TRAF3: variants seen among roughly 807,000 people sequenced by gnomAD.
TRAF3 encodes the protein TNF receptor associated factor 3.
In TRAF3, 13 loss-of-function variants were observed where a neutral mutation model predicts 62.3. That is an observed-to-expected ratio of 0.21 (90% CI 0.14 to 0.33). TRAF3 has a LOEUF of 0.33. TRAF3 is among the 10% of genes least tolerant of loss of function. The pLI, the probability that TRAF3 is intolerant of heterozygous loss-of-function variation, is 1.00. For missense variants in TRAF3, 440 were observed against 741.8 expected (o/e 0.59, Z 4.73); for synonymous variants, 269 against 283.4 (o/e 0.95, Z 0.51).
intron 11 of TRAF3, among the ~76,000 whole-genome samples, chr14:102,904,531 C>T (rs951440291): frequency 1.3e-5 from 2 of 152,088 alleles, no homozygotes; most frequent in African/African-American, 4.8e-5. Context: ...AAAAATGAGG[C>T]CGGGTGCAGT....
At chr14:102,854,471 C>T (rs933494018) in intron 2 of TRAF3, among the ~76,000 whole-genome samples, 1 of 152,140 alleles carries the variant, frequency 6.6e-6, no homozygotes, top group African/African-American at 2.4e-5. Flanking sequence ...AAATTTTAGC[C>T]ATCCAAGTGA....
chr14:102,781,089 A>T (rs1897257025), intron 1 of TRAF3, among the ~76,000 whole-genome samples: 1 of 152,222 alleles, frequency 6.6e-6, no homozygotes, highest in Admixed American at 6.5e-5. Flanking sequence ...CATAAGGGAA[A>T]GAGAAAGTCT....
intron 3 of TRAF3, 31 bp downstream of exon 3, chr14:102,870,477 C>G: frequency 6.2e-7 from 1 of 1,610,142 alleles, no homozygotes; most frequent in Non-Finnish European, 8.5e-7. Flanking sequence ...CGTCGCCCGG[C>G]CCCTTCTCAG....
rs1890783352 is a variant in TRAF3, at chr14:102,910,030, C to A, written c.*4246C>A. On this transcript the variant is annotated 3_prime_UTR_variant, in exon 12 of 12. Coordinates refer to ENST00000392745, the MANE Select transcript of TRAF3 (RefSeq NM_145725.3). ...ACTGATCCCAACAGCTGGGCTGACA[C>A]CTCCTTTCTCCCCTGCACGGGGAGG... is the stretch of plus-strand genomic sequence containing the variant. The A allele has an allele frequency of 1.3e-5, 2 of 152,222 alleles. No homozygotes were observed. Among genetic ancestry groups the A allele is most frequent in the Admixed American group, 1.3e-4 (2 of 15,282 alleles). The allele number at this position is 152,222 out of a possible 1,614,324, so 9.4% of individuals were successfully genotyped here.
At chr14:102,849,347 C>G (rs947070779) in intron 2 of TRAF3, among the ~76,000 whole-genome samples, 3 of 152,310 alleles carry the variant, frequency 2.0e-5, no homozygotes, top group East Asian at 1.9e-4. Flanking sequence ...GGTTGCATAT[C>G]GAGTGGACTG....
At position 102,887,599 on chromosome 14, in the gene TRAF3, C is replaced by CT. The variant is rs931159273; in HGVS notation, c.651+1343dup. Reference sequence around the variant, plus strand: ...AGAGTCTGTGCTGTTGAAATAATTTCTTTTTTTTTTTTTGAGACGGAGTCT... The same window carrying CT: ...AGAGTCTGTGCTGTTGAAATAATTTCTTTTTTTTTTTTTTGAGACGGAGTCT... On this transcript the variant is annotated intron_variant, in intron 7 of 11. Transcript: ENST00000392745. 8.0e-3 allele frequency among the ~76,000 whole-genome samples: 1,173 copies of CT among 146,386 alleles called. 14 individuals are homozygous for CT. Among genetic ancestry groups the CT allele is most frequent in the African/African-American group, 0.024 (964 of 40,286 alleles).
chr14:102,865,624 C>G (rs1273857828), intron 2 of TRAF3, among the ~76,000 whole-genome samples: 22 of 152,100 alleles, frequency 1.4e-4, no homozygotes, highest in Non-Finnish European at 8.8e-5. Context: ...CTCAGCCTCC[C>G]AAGTAGCTGG....
chr14:102,871,690 CTG>C (rs929105120), intron 3 of TRAF3, among the ~76,000 whole-genome samples: 1 of 152,258 alleles, frequency 6.6e-6, no homozygotes, highest in Non-Finnish European at 1.5e-5. Flanking sequence ...CTGAACTAAA[CTG>C]TTCTACTTGG....
chr14:102,881,112 G>A (rs956988290), intron 6 of TRAF3, among the ~76,000 whole-genome samples: 1 of 152,016 alleles, frequency 6.6e-6, no homozygotes, highest in Non-Finnish European at 1.5e-5. Context: ...GCCGGTCACG[G>A]TGACTCACAC....
chr14:102,851,423 C>T (rs746686365), intron 2 of TRAF3, among the ~76,000 whole-genome samples: 2 of 152,144 alleles, frequency 1.3e-5, no homozygotes, highest in East Asian at 1.9e-4. Flanking sequence ...TCAGTGTGAA[C>T]GGACCAGATA....
intron 4 of TRAF3, among the ~76,000 whole-genome samples, chr14:102,874,242 G>T (rs1054513312): frequency 5.9e-5 from 9 of 152,188 alleles, no homozygotes; most frequent in Admixed American, 1.3e-4. Context: ...CTCCAGCCTG[G>T]GTGACAGAGT....
At chr14:102,872,687 TTTC>T (rs761158650) in intron 4 of TRAF3, among the ~76,000 whole-genome samples, 2 of 131,688 alleles carry the variant, frequency 1.5e-5, no homozygotes, top group African/African-American at 3.8e-5. Flanking sequence ...CTCTCCTTTC[TTTC>T]TTCTTTTTCT....
At chr14:102,892,761 T>C (rs1889793919) in intron 9 of TRAF3, among the ~76,000 whole-genome samples, 1 of 152,232 alleles carries the variant, frequency 6.6e-6, no homozygotes, top group African/African-American at 2.4e-5. Flanking sequence ...AAGATTTCCC[T>C]TTAATCTGCC....
chr14:102,811,913 C>CTTTTTTTTTT (rs71119743), intron 1 of TRAF3, among the ~76,000 whole-genome samples: 1,362 of 47,086 alleles, frequency 0.029, 417 homozygotes, highest in East Asian at 0.044. Context: ...ATGCCTGGCC[C>CTTTTTTTTTT]TTTTTTTTTT....
At chr14:102,820,604 ATATATATATATTTTTTTTTTTTTTTTT>A (rs1320122609) in intron 1 of TRAF3, among the ~76,000 whole-genome samples, 1 of 13,030 alleles carries the variant, frequency 7.7e-5, no homozygotes, top group African/African-American at 8.2e-4. Flanking sequence ...ATATATATAT[ATATATATATATTTTTTTTTTTTTTTTT>A]TTTTTTTTTT....
At chr14:102,874,071 G>A (rs1035699163) in intron 4 of TRAF3, among the ~76,000 whole-genome samples, 2 of 152,144 alleles carry the variant, frequency 1.3e-5, no homozygotes, top group African/African-American at 2.4e-5. Context: ...ACCAGAGTGG[G>A]CAGCATATGG....
intron 4 of TRAF3, among the ~76,000 whole-genome samples, chr14:102,874,949 G>A (rs531339961): frequency 1.3e-5 from 2 of 152,090 alleles, no homozygotes; most frequent in African/African-American, 2.4e-5. Context: ...CAGCTACCAC[G>A]CCCAGCCTCG....
chr14:102,902,496 A>T (rs1408769277), intron 10 of TRAF3, among the ~76,000 whole-genome samples: 1 of 152,128 alleles, frequency 6.6e-6, no homozygotes, highest in Non-Finnish European at 1.5e-5. Flanking sequence ...GTTCCAAGGG[A>T]AGATGAGGCC....
At chr14:102,777,704 T>A (rs1436152211) in intron 1 of TRAF3, 29 bp downstream of exon 1, 1 of 141,636 alleles carries the variant, frequency 7.1e-6, no homozygotes, top group Non-Finnish European at 1.6e-5. Flanking sequence ...CGGGCGGGCC[T>A]CCGGCGCGCG....
Sources: allele counts gnomAD v4.1 joint callset (sites outside exome capture counted in the v4.1 genomes callset), GRCh38; gene constraint gnomAD v4.1.1; transcripts MANE v1.5; gene names NCBI Gene and HGNC (gene_info 2026-07-23, HGNC 2026-07-21).